The following PLOD1 variants were observed in gnomAD, a reference collection of about 807,000 sequenced individuals.
PLOD1 encodes lysine hydroxylase.
PLOD1 carries 70 observed loss-of-function variants against 94.7 expected under a neutral mutation model. The observed-to-expected ratio is 0.74, with a 90% CI of 0.61 to 0.90. PLOD1 has a LOEUF of 0.90. PLOD1 is among the 40% of genes least tolerant of loss of function. The pLI, the probability that PLOD1 is intolerant of heterozygous loss-of-function variation, is 0.00. For missense variants in PLOD1, 905 were observed against 972.7 expected (o/e 0.93, Z 0.93); for synonymous variants, 417 against 400.2 (o/e 1.04, Z -0.50).
chr1:11,947,690 G>T (rs1645665999), intron 1 of PLOD1, among the ~76,000 whole-genome samples: 1 of 152,150 alleles, frequency 6.6e-6, no homozygotes, highest in South Asian at 2.1e-4. Flanking sequence ...ACCTCCCACT[G>T]GGCCCCACCT....
At chr1:11,947,094 C>G (rs1050396346) in intron 1 of PLOD1, among the ~76,000 whole-genome samples, 2 of 152,068 alleles carry the variant, frequency 1.3e-5, no homozygotes. Context: ...CATGATGAAA[C>G]CCCGCCTCTA....
At chr1:11,955,043 C>T in intron 6 of PLOD1, 150 bp downstream of exon 6, 1 of 654,802 alleles carries the variant, frequency 1.5e-6, no homozygotes, top group South Asian at 1.8e-5. Context: ...TCCCCAGGGG[C>T]CACTTGGATA....
rs1334363341 is a variant in PLOD1, at chr1:11,964,289, G to A, written c.1317G>A (p.Gln439=). The part of the protein sequence containing the change: ...ARSEDYVDIV[Q]GRRVGVWNVP... Reference sequence around the variant, plus strand: ...CCGAGGACTACGTGGACATTGTGCAGGGGCGGCGTGTGTGAGTACCTGCAG... The same window carrying A: ...CCGAGGACTACGTGGACATTGTGCAAGGGCGGCGTGTGTGAGTACCTGCAG... The change falls in exon 12 of 19, where the codon CAG becomes CAA. Residue 439 remains glutamine, a synonymous_variant. Coordinates refer to ENST00000196061, the MANE Select transcript of PLOD1 (RefSeq NM_000302.4). The A allele has an allele frequency of 1.4e-5, 23 of 1,612,496 alleles. No individual in the cohort carries two copies. The highest frequency in any genetic ancestry group is 1.9e-5 in the Non-Finnish European group (23 of 1,179,516).
chr1:11,950,001 G>A (rs867368080), intron 3 of PLOD1, 95 bp downstream of exon 3: 43 of 1,308,276 alleles, frequency 3.3e-5, no homozygotes, highest in Middle Eastern at 4.1e-4. Flanking sequence ...GGAAGAAGGG[G>A]GACCACTCTA....
intron 3 of PLOD1, 94 bp from the exon 4 acceptor site, chr1:11,950,263 T>C: frequency 8.0e-7 from 1 of 1,255,736 alleles, no homozygotes; most frequent in Admixed American, 1.8e-5. Flanking sequence ...GGGCCATTTG[T>C]GGAGCACTTG....
At chr1:11,949,483 G>A (rs779930427) in intron 2 of PLOD1, among the ~76,000 whole-genome samples, 2 of 152,054 alleles carry the variant, frequency 1.3e-5, no homozygotes, top group African/African-American at 4.8e-5. Context: ...GCAATGGAGC[G>A]ATTTCGGCTC....
rs765586163 is a variant in PLOD1 at position 11,970,724 on chromosome 1, A to G, written c.1810A>G (p.Asn604Asp). The G allele has an allele frequency of 6.2e-7, 1 of 1,612,794 alleles. No homozygotes were observed. Among genetic ancestry groups the G allele is most frequent in the Non-Finnish European group, 8.5e-7 (1 of 1,179,854 alleles). Reference protein sequence around the residue: ...ENVPTIDIHMNQIGFEREWHK... With the variant: ...ENVPTIDIHMDQIGFEREWHK... The stretch of plus-strand genomic sequence containing the variant: ...CGTGCCGACTATTGACATCCACATG[A>G]ACCAGATCGGCTTTGAGCGGGAGTG... The change falls in exon 17 of 19, where the codon AAC becomes GAC. Residue 604 changes from asparagine (N) to aspartate (D), a missense_variant. Physicochemically the swap from Asn to Asp is conservative, Grantham distance 23. Transcript: ENST00000196061.
intron 18 of PLOD1, 90 bp downstream of exon 18, chr1:11,973,087 G>C: frequency 1.3e-6 from 2 of 1,485,226 alleles, no homozygotes; most frequent in Non-Finnish European, 1.9e-6. Flanking sequence ...GAGGCAGAGG[G>C]GCCCCAGGTA....
chr1:11,950,610 G>C, intron 4 of PLOD1, 90 bp downstream of exon 4: 1 of 1,198,180 alleles, frequency 8.3e-7, no homozygotes, highest in Non-Finnish European at 1.2e-6. Context: ...GTGCAATCTG[G>C]GTGTCTCACA....
rs199990859 is a variant in PLOD1 at position 11,954,863 on chromosome 1, C to T, written c.613C>T (p.Arg205Cys). ...CAATATCACCCTGGACCACCGCTGC[C>T]GTATCTTCCAGAACCTGGATGGAGC... The part of the protein sequence containing the change: ...QINITLDHRC[R>C]IFQNLDGALD... The change falls in exon 6 of 19, where the codon CGT becomes TGT. Residue 205 changes from arginine (R) to cysteine (C), a missense_variant. Coordinates refer to ENST00000196061, the MANE Select transcript of PLOD1 (RefSeq NM_000302.4). 65 of 1,613,864 alleles carry T rather than the reference C, an allele frequency of 4.0e-5. No individual in the cohort carries two copies. Among genetic ancestry groups the T allele is most frequent in the Middle Eastern group, 3.3e-4 (2 of 6,044 alleles).
rs770796176 is a variant in PLOD1 at position 11,958,774 on chromosome 1, T to C, written c.975+127T>C. 18 of 1,085,120 alleles carry C rather than the reference T, an allele frequency of 1.7e-5. No individual in the cohort carries two copies. The highest frequency in any genetic ancestry group is 3.1e-5 in the African/African-American group (2 of 64,382). The allele number at this position is 1,085,120 out of a possible 1,614,324, so 67.2% of individuals were successfully genotyped here. The stretch of plus-strand genomic sequence containing the variant: ...ATCTGGGCCAAATGACAATCACCAG[T>C]GGACTGTGTCCCCAAATCACTGAGT... On this transcript the variant is annotated intron_variant, in intron 9 of 18. Transcript: ENST00000196061. This position sits in a 1 kb window ranked among gnomAD's most constrained non-coding sequence, Gnocchi z 4.3.
chr1:11,958,413 A>C lies in PLOD1; in HGVS notation c.844-103A>C. On this transcript the variant is annotated intron_variant, in intron 8 of 18. Transcript: ENST00000196061. The surrounding 1 kb of genome is among the most constrained non-coding windows in gnomAD (Gnocchi z 4.3). Reference sequence around the variant, plus strand: ...CGGGCACCTTTCTTGGGAAGTCTACATGCTTCTGATTCTGGCTCTGACTCC... The same window carrying C: ...CGGGCACCTTTCTTGGGAAGTCTACCTGCTTCTGATTCTGGCTCTGACTCC... 2 of 1,348,400 alleles carry C rather than the reference A, an allele frequency of 1.5e-6. No individual in the cohort carries two copies. The highest frequency in any genetic ancestry group is 2.4e-5 in the South Asian group (2 of 81,650). 83.5% of individuals were successfully genotyped at this position (1,348,400 alleles called of 1,614,324 possible). A position where few individuals can be genotyped will look rare whatever the true frequency, so the allele number is the denominator to read the frequency against.
chr1:11,956,911 C>A lies in PLOD1; in HGVS notation c.644-6C>A. 1 of 1,605,126 alleles carries A rather than the reference C, an allele frequency of 6.2e-7. No individual in the cohort carries two copies. Among genetic ancestry groups the A allele is most frequent in the Non-Finnish European group, 8.5e-7 (1 of 1,171,870 alleles). Reference sequence around the variant, plus strand: ...GCTGGGTGGGACTGTGCTTTCTGACCCCCAGATGAGGTCGTGCTCAAGTTT... The same window carrying A: ...GCTGGGTGGGACTGTGCTTTCTGACACCCAGATGAGGTCGTGCTCAAGTTT... On this transcript the variant is annotated splice_polypyrimidine_tract_variant and splice_region_variant and intron_variant, in intron 6 of 18. Transcript: ENST00000196061.
intron 5 of PLOD1, among the ~76,000 whole-genome samples, chr1:11,953,782 G>A (rs1473008012): frequency 1.3e-5 from 2 of 151,380 alleles, no homozygotes; most frequent in Non-Finnish European, 2.9e-5. Flanking sequence ...ACAAGAGCCA[G>A]ACTCCATCTC....
chr1:11,967,301 G>A (rs948789238), intron 16 of PLOD1, among the ~76,000 whole-genome samples: 3 of 152,080 alleles, frequency 2.0e-5, no homozygotes, highest in African/African-American at 4.8e-5. Context: ...TGTTGCCACC[G>A]TGTGGCTTTG....
chr1:11,967,106 C>T lies in PLOD1; in HGVS notation c.1755+15C>T, dbSNP rs777338178. 7.1e-6 allele frequency: 11 copies of T among 1,540,610 alleles called. No homozygotes were observed. The highest frequency in any genetic ancestry group is 7.2e-6 in the Non-Finnish European group (8 of 1,113,096). ...GCAACAACAAGGTGGGACCCTGATG[C>T]CTGGGCTGGGGCCGCAGGGAGGCTG... On this transcript the variant is annotated intron_variant, in intron 16 of 18. Coordinates refer to ENST00000196061, the MANE Select transcript of PLOD1 (RefSeq NM_000302.4).
chr1:11,952,976 C>T lies in PLOD1; in HGVS notation c.579+241C>T, dbSNP rs72641004. On this transcript the variant is annotated intron_variant, in intron 5 of 18. Coordinates refer to ENST00000196061, the MANE Select transcript of PLOD1 (RefSeq NM_000302.4). ...GTCAGAGCCCTCTAACTGGTACAGA[C>T]ACAGCTGACTTCTCTCTGTGTCCTC... 2.0e-5 allele frequency among the ~76,000 whole-genome samples: 3 copies of T among 152,014 alleles called. No homozygotes were observed. The South Asian group carries it at 6.2e-4, about 32-fold the overall frequency.
rs188425561 is a variant in PLOD1, at chr1:11,946,840, C to G, written c.77-1136C>G. 2.6e-5 allele frequency among the ~76,000 whole-genome samples: 4 copies of G among 152,344 alleles called. No homozygotes were observed. The East Asian group carries it at 7.7e-4, about 29-fold the overall frequency. Reference sequence around the variant, plus strand: ...CAAGAGGTTTATTTGGCTCACAGTTCTGCAGGCTGTACAAGCATACCACCA... The same window carrying G: ...CAAGAGGTTTATTTGGCTCACAGTTGTGCAGGCTGTACAAGCATACCACCA... On this transcript the variant is annotated intron_variant, in intron 1 of 18. Transcript: ENST00000196061.
chr1:11,974,418 G>T (rs1645888864), intron 18 of PLOD1, among the ~76,000 whole-genome samples: 1 of 152,082 alleles, frequency 6.6e-6, no homozygotes, highest in South Asian at 2.1e-4. Flanking sequence ...CCTGACCTCA[G>T]GTGGTCCACC....
Sources: allele counts gnomAD v4.1 joint callset (sites outside exome capture counted in the v4.1 genomes callset), GRCh38; gene constraint gnomAD v4.1.1; non-coding constraint Gnocchi (gnomAD v3.1); transcripts MANE v1.5; gene names NCBI Gene and HGNC (gene_info 2026-07-23, HGNC 2026-07-21).